Variants in UHRF2 observed in about 807,000 individuals in gnomAD.
UHRF2 encodes the protein ubiquitin like with PHD and ring finger domains 2.
A neutral mutation model predicts 96.8 loss-of-function variants in UHRF2; 23 were observed. The ratio of observed to expected loss-of-function variants is 0.24; its 90% confidence interval spans 0.17 to 0.34. UHRF2 has a LOEUF of 0.34. UHRF2 is among the 10% of genes least tolerant of loss of function. The pLI is 1.00. For synonymous variants in UHRF2, 385 were observed against 332.6 expected (o/e 1.16, Z -1.72); for missense variants, 685 against 981.5 (o/e 0.70, Z 4.04).
intron 1 of UHRF2, among the ~76,000 whole-genome samples, chr9:6,414,549 C>G (rs990414540): frequency 2.0e-5 from 3 of 152,140 alleles, no homozygotes; most frequent in African/African-American, 4.8e-5. Flanking sequence ...AATCTATATC[C>G]CTAGCCACTC....
intron 4 of UHRF2, among the ~76,000 whole-genome samples, chr9:6,473,614 C>A (rs553695714): frequency 6.6e-6 from 1 of 152,080 alleles, no homozygotes; most frequent in Non-Finnish European, 1.5e-5. Context: ...AGAAAATGAA[C>A]CTAAATCTGA....
intron 3 of UHRF2, chr9:6,449,258 C>T (rs1422228192): frequency 6.6e-6 from 1 of 152,240 alleles, no homozygotes. Flanking sequence ...CTTTCTTGGC[C>T]TCCCTCAGCC....
intron 3 of UHRF2, among the ~76,000 whole-genome samples, chr9:6,452,662 G>A (rs1217106820): frequency 6.6e-6 from 1 of 152,144 alleles, no homozygotes; most frequent in Admixed American, 6.5e-5. Context: ...CTGGATAAAG[G>A]CAACATAAGA....
At chr9:6,482,688 G>A (rs112354779) in intron 8 of UHRF2, among the ~76,000 whole-genome samples, 4,022 of 150,276 alleles carry the variant, frequency 0.027, 186 homozygotes, top group African/African-American at 0.093. Context: ...GCTCTGCCTC[G>A]TGGGTTCACG....
At chr9:6,436,867 G>T (rs1313900330) in intron 3 of UHRF2, among the ~76,000 whole-genome samples, 1 of 152,098 alleles carries the variant, frequency 6.6e-6, no homozygotes, top group East Asian at 1.9e-4. Flanking sequence ...TTTACGTGAT[G>T]GAATTAAATG....
At chr9:6,501,475 G>A (rs926839462) in intron 14 of UHRF2, among the ~76,000 whole-genome samples, 2 of 152,264 alleles carry the variant, frequency 1.3e-5, no homozygotes, top group East Asian at 1.9e-4. Context: ...GCTGAAAGCA[G>A]CAACACAAAA....
chr9:6,452,927 A>T (rs1870696), intron 3 of UHRF2, among the ~76,000 whole-genome samples: 1 of 152,088 alleles, frequency 6.6e-6, no homozygotes, highest in Non-Finnish European at 1.5e-5. Flanking sequence ...ATTAGGTAAC[A>T]TTTGAGCGCA....
chr9:6,420,932 A>T lies in UHRF2; in HGVS notation c.174A>T (p.Leu58Phe). The stretch of plus-strand genomic sequence containing the variant: ...TCTAGTTGGAAAATGGATATACCTT[A>T]TTTGATTATGATGTTGGACTGAATG... ...RGKQLENGYTLFDYDVGLNDI... is the reference protein window; with the variant it reads ...RGKQLENGYTFFDYDVGLNDI... Residue 58 changes from leucine to phenylalanine, a missense_variant, in exon 2 of 16, where the codon TTA (leucine) becomes TTT (phenylalanine). Around this residue, in one of 6 missense-constraint regions of UHRF2, gnomAD observed 391 missense variants for 437.0 expected, o/e 0.89. Transcript: ENST00000276893. The T allele has an allele frequency of 6.2e-7, 1 of 1,613,918 alleles. No homozygotes were observed. Among genetic ancestry groups the T allele is most frequent in the Non-Finnish European group, 8.5e-7 (1 of 1,179,832 alleles).
At chr9:6,415,764 T>C (rs1487725435) in intron 1 of UHRF2, among the ~76,000 whole-genome samples, 3 of 152,236 alleles carry the variant, frequency 2.0e-5, no homozygotes, top group Admixed American at 6.5e-5. Context: ...ATATTTATTA[T>C]AGATGTTCAG....
chr9:6,475,309 T>A lies in UHRF2; in HGVS notation c.864-82T>A, dbSNP rs1229768156. 17 of 744,010 alleles carry A rather than the reference T, an allele frequency of 2.3e-5. No individual in the cohort carries two copies. The East Asian group carries it at 3.4e-4, about 15-fold the overall frequency. 46.1% of individuals were successfully genotyped at this position (744,010 alleles called of 1,614,324 possible). A position where few individuals can be genotyped will look rare whatever the true frequency, so the allele number is the denominator to read the frequency against. ...TATAAATAGACAGATTTCAGTGAGA[T>A]TCCAAACTGGCTTTTAATTATTATT... On this transcript the variant is annotated intron_variant, in intron 4 of 15. Transcript: ENST00000276893.
chr9:6,432,450 A>G (rs993631420), intron 2 of UHRF2, among the ~76,000 whole-genome samples: 1 of 152,154 alleles, frequency 6.6e-6, no homozygotes, highest in Non-Finnish European at 1.5e-5. Context: ...CATTTATATC[A>G]AGGTTCATGG....
At chr9:6,447,049 C>T (rs537638129) in intron 3 of UHRF2, among the ~76,000 whole-genome samples, 8 of 152,040 alleles carry the variant, frequency 5.3e-5, no homozygotes, top group South Asian at 4.2e-4. Flanking sequence ...CTACCACACC[C>T]GGCTAATTTT....
chr9:6,493,075 A>G (rs998934645), intron 9 of UHRF2, among the ~76,000 whole-genome samples: 8 of 152,130 alleles, frequency 5.3e-5, no homozygotes, highest in African/African-American at 1.9e-4. Context: ...AGGCGGGTGG[A>G]TCACTTGAGA....
chr9:6,433,349 A>G (rs1820660616), intron 2 of UHRF2, among the ~76,000 whole-genome samples: 1 of 152,194 alleles, frequency 6.6e-6, no homozygotes, highest in Admixed American at 6.5e-5. Flanking sequence ...GAGGTGGTAG[A>G]TAAATGTATT....
At chr9:6,498,695 G>C (rs143342836) in intron 12 of UHRF2, 1 of 152,668 alleles carries the variant, frequency 6.6e-6, no homozygotes, top group African/African-American at 2.4e-5. Context: ...TAAAGACTTC[G>C]TTGATTTTGT....
chr9:6,453,908 A>G (rs1360232193), intron 3 of UHRF2, among the ~76,000 whole-genome samples: 1 of 152,202 alleles, frequency 6.6e-6, no homozygotes, highest in African/African-American at 2.4e-5. Context: ...CCGTCTCAAA[A>G]AAAGAAAAAA....
chr9:6,420,892 ATTCT>A lies in UHRF2; in HGVS notation c.154-13_154-10del, dbSNP rs913865405. On this transcript the variant is annotated splice_polypyrimidine_tract_variant and intron_variant, in intron 1 of 15. Transcript: ENST00000276893. The stretch of plus-strand genomic sequence containing the variant: ...ATACATTTTAGAGAAGCATTTCACT[ATTCT>A]TTCTTTATTTTCTAGTTGGAAAATG... 3.2e-6 allele frequency: 5 copies of A among 1,579,736 alleles called. No individual in the cohort carries two copies. Among genetic ancestry groups the A allele is most frequent in the Admixed American group, 1.7e-5 (1 of 59,938 alleles).
intron 3 of UHRF2, among the ~76,000 whole-genome samples, chr9:6,446,786 A>G (rs941588136): frequency 6.6e-6 from 1 of 152,036 alleles, no homozygotes; most frequent in South Asian, 2.1e-4. Context: ...TGGGGATTAC[A>G]GTGAGCTGAA....
chr9:6,500,577 G>A lies in UHRF2; in HGVS notation c.2031G>A (p.Val677=), dbSNP rs760599817. 6.2e-7 allele frequency: 1 copy of A among 1,612,966 alleles called. No individual in the cohort carries two copies. The highest frequency in any genetic ancestry group is 8.5e-7 in the Non-Finnish European group (1 of 1,179,894). Reference sequence around the variant, plus strand: ...ATGACTGTCCAAGTGCCTCCAAAGTGTACAAAGCATCAGATTCAGCAGAAG... The same window carrying A: ...ATGACTGTCCAAGTGCCTCCAAAGTATACAAAGCATCAGATTCAGCAGAAG... ...SDDDCPSASK[V]YKASDSAEAI... Residue 677 remains valine, a synonymous_variant, in exon 14 of 16, where the codon GTG becomes GTA. Transcript: ENST00000276893.
Sources: allele counts gnomAD v4.1 joint callset (sites outside exome capture counted in the v4.1 genomes callset), GRCh38; gene constraint gnomAD v4.1.1; regional missense constraint gnomAD v4.1.1; transcripts MANE v1.5; gene names NCBI Gene and HGNC (gene_info 2026-07-23, HGNC 2026-07-21).